GOLIM4: variants seen among roughly 807,000 people sequenced by gnomAD.
GOLIM4 encodes the protein golgi integral membrane protein 4.
Under a neutral mutation model 107.4 loss-of-function variants are expected in GOLIM4, and 71 were observed. The ratio of observed to expected loss-of-function variants is 0.66; its 90% confidence interval spans 0.55 to 0.81. GOLIM4 has a LOEUF of 0.81. Among genes scored for constraint, GOLIM4 ranks in the 30% least tolerant of loss-of-function variants. The pLI is 0.00. For synonymous variants in GOLIM4, 327 were observed against 294.8 expected, an observed-to-expected ratio of 1.11 and a Z score of -1.12; for missense variants, 830 against 826.1, an observed-to-expected ratio of 1.00 and a Z score of -0.06.
At chr3:168,075,739 G>T (rs1468009102) in intron 1 of GOLIM4, among the ~76,000 whole-genome samples, 4 of 152,114 alleles carry the variant, frequency 2.6e-5, no homozygotes, top group South Asian at 2.1e-4. Flanking sequence ...TGCATAAAAA[G>T]CATGTCAAGA....
intron 14 of GOLIM4, among the ~76,000 whole-genome samples, chr3:168,013,827 T>C (rs978938679): frequency 6.6e-6 from 1 of 151,188 alleles, no homozygotes. Context: ...AATAAAGATG[T>C]TCTTTCAAAC....
At chr3:168,041,521 G>T in intron 5 of GOLIM4, 47 bp from the exon 6 acceptor site, 2 of 900,760 alleles carry the variant, frequency 2.2e-6, no homozygotes, top group Non-Finnish European at 1.8e-6. Context: ...GAAACTTTCA[G>T]GATTCTGTTT....
At chr3:168,033,889 T>C (rs1044440736) in intron 8 of GOLIM4, among the ~76,000 whole-genome samples, 6 of 152,114 alleles carry the variant, frequency 3.9e-5, no homozygotes, top group African/African-American at 1.4e-4. Flanking sequence ...GCGATCTCTA[T>C]ATGATCTGCA....
At chr3:168,067,513 T>TAA (rs201207512) in intron 1 of GOLIM4, among the ~76,000 whole-genome samples, 68 of 135,762 alleles carry the variant, frequency 5.0e-4, no homozygotes, top group African/African-American at 1.7e-3. Context: ...TGCCTTTAAT[T>TAA]AAAAAAAAAA....
intron 7 of GOLIM4, among the ~76,000 whole-genome samples, chr3:168,040,045 T>TGGAGGA (rs1718895867): frequency 6.6e-6 from 1 of 152,220 alleles, no homozygotes; most frequent in Non-Finnish European, 1.5e-5. Flanking sequence ...ACCTTTGTTC[T>TGGAGGA]TTTATCATAA....
At chr3:168,061,129 C>A (rs1239497886) in intron 1 of GOLIM4, among the ~76,000 whole-genome samples, 11 of 138,324 alleles carry the variant, frequency 8.0e-5, no homozygotes, top group East Asian at 2.0e-4. Flanking sequence ...GCCAAATATA[C>A]AAGATTTTAG....
Position 168,010,314 on chromosome 3 carries a change from G to GTCTTCTTCCTCC in GOLIM4, c.2034_2045dup (p.Glu678_Glu681dup), listed in dbSNP as rs747113201. 56 of 1,613,586 alleles carry GTCTTCTTCCTCC rather than the reference G, an allele frequency of 3.5e-5. No individual in the cohort carries two copies. The highest frequency in any genetic ancestry group is 4.3e-5 in the Non-Finnish European group (51 of 1,179,826). On this transcript the variant is annotated inframe_insertion, in exon 16 of 16. Coordinates refer to ENST00000470487, the MANE Select transcript of GOLIM4 (RefSeq NM_014498.5). ...GTGATTTCTCAGCAACTGCAGCCCC[G>GTCTTCTTCCTCC]TCTTCTTCCTCCTCTTCTTCCTCCT...
rs1302823548 is a variant in GOLIM4 at position 168,095,834 on chromosome 3, A to T, written c.-549T>A. 2 of 152,550 alleles carry T rather than the reference A, an allele frequency of 1.3e-5. No individual in the cohort carries two copies. Among genetic ancestry groups the T allele is most frequent in the African/African-American group, 2.4e-5 (1 of 41,322 alleles). 9.4% of individuals were successfully genotyped at this position (152,550 alleles called of 1,614,324 possible). ...CCAGCTGTCTCGGCTGGTTTTGGGGACGGCACAGCGGTGTCACTGACGGGT... is the reference window on the plus strand; with the variant it reads ...CCAGCTGTCTCGGCTGGTTTTGGGGTCGGCACAGCGGTGTCACTGACGGGT... On this transcript the variant is annotated 5_prime_UTR_variant, in exon 1 of 16. Coordinates refer to ENST00000470487, the MANE Select transcript of GOLIM4 (RefSeq NM_014498.5).
chr3:168,055,871 T>C (rs1358250947), intron 1 of GOLIM4, among the ~76,000 whole-genome samples: 1 of 150,592 alleles, frequency 6.6e-6, no homozygotes, highest in African/African-American at 2.4e-5. Flanking sequence ...AAGCAGAGCA[T>C]AAAAGTTCAG....
intron 1 of GOLIM4, among the ~76,000 whole-genome samples, chr3:168,081,978 T>C (rs1721391723): frequency 1.3e-5 from 2 of 152,084 alleles, no homozygotes; most frequent in Non-Finnish European, 1.5e-5. Context: ...TTACAAACTC[T>C]GCCACTTACA....
chr3:168,093,745 C>G (rs995893051), intron 1 of GOLIM4, among the ~76,000 whole-genome samples: 40 of 152,106 alleles, frequency 2.6e-4, no homozygotes, highest in Non-Finnish European at 4.9e-4. Flanking sequence ...TGAACCAAGC[C>G]GAGCCATATA....
chr3:168,021,571 C>A (rs1344006205), intron 14 of GOLIM4, among the ~76,000 whole-genome samples: 1 of 151,986 alleles, frequency 6.6e-6, no homozygotes, highest in East Asian at 1.9e-4. Flanking sequence ...GAGGCTGAGG[C>A]AGGAGAATTG....
intron 1 of GOLIM4, among the ~76,000 whole-genome samples, chr3:168,065,247 C>T (rs1288717552): frequency 6.6e-6 from 1 of 152,154 alleles, no homozygotes; most frequent in Non-Finnish European, 1.5e-5. Context: ...AGAGTAGTGG[C>T]ATCAGCTATA....
chr3:168,010,389 C>G lies in GOLIM4; in HGVS notation c.1971G>C (p.Glu657Asp). The G allele has an allele frequency of 2.5e-6, 4 of 1,609,456 alleles. No individual in the cohort carries two copies. The highest frequency in any genetic ancestry group is 3.4e-6 in the Non-Finnish European group (4 of 1,176,350). Reference protein sequence around the residue: ...NTDDKNNDGEEQEVRDDNRPK... With the variant: ...NTDDKNNDGEDQEVRDDNRPK... ...GGCGGTTGTCATCTCGAACTTCTTG[C>G]TCTTCTCCATCATTATTTTTATCAT... Residue 657 changes from glutamate to aspartate, a missense_variant, in exon 16 of 16, where the codon GAG (glutamate) becomes GAC (aspartate). Glu to Asp is a conservative substitution (Grantham distance 45). Coordinates refer to ENST00000470487, the MANE Select transcript of GOLIM4 (RefSeq NM_014498.5).
intron 14 of GOLIM4, among the ~76,000 whole-genome samples, chr3:168,019,176 G>A (rs1717544145): frequency 6.6e-6 from 1 of 152,118 alleles, no homozygotes; most frequent in African/African-American, 2.4e-5. Flanking sequence ...AAATCATAAG[G>A]TCAATTGTTT....
intron 1 of GOLIM4, among the ~76,000 whole-genome samples, chr3:168,052,977 A>G (rs1447251002): frequency 2.0e-5 from 3 of 152,250 alleles, no homozygotes; most frequent in Admixed American, 2.0e-4. Context: ...TTTGAATCCA[A>G]GAACTCAGGA....
intron 2 of GOLIM4, 134 bp downstream of exon 2, chr3:168,048,156 CT>C (rs1719416672): frequency 1.5e-6 from 1 of 658,776 alleles, no homozygotes; most frequent in African/African-American, 1.8e-5. Context: ...CTTGACATGT[CT>C]TTCTCTGTCC....
At position 168,095,515 on chromosome 3, in the gene GOLIM4, C is replaced by G. The variant is rs1342902502; in HGVS notation, c.-230G>C. The G allele has an allele frequency of 6.0e-6, 3 of 496,938 alleles. No individual in the cohort carries two copies. The highest frequency in any genetic ancestry group is 1.1e-5 in the Non-Finnish European group (3 of 283,296). 30.8% of individuals were successfully genotyped at this position (496,938 alleles called of 1,614,324 possible). On this transcript the variant is annotated 5_prime_UTR_variant, in exon 1 of 16. Transcript: ENST00000470487. ...CAGCTGCAGCCAAACTTCTGCGAGG[C>G]TCGTTCTCCGCGAATGCCCGGGGCC...
rs1716857733 is a variant in GOLIM4, at chr3:168,009,414, A to AATC, written c.*852_*854dup. On this transcript the variant is annotated 3_prime_UTR_variant, in exon 16 of 16. Coordinates refer to ENST00000470487, the MANE Select transcript of GOLIM4 (RefSeq NM_014498.5). ...AACCAGACACTGAAACAAGAATATC[A>AATC]ATCAATGGCTTCAAACAAAAAAAAA... is the stretch of plus-strand genomic sequence containing the variant. 1 of 128,678 alleles carries AATC rather than the reference A, an allele frequency of 7.8e-6. No homozygotes were observed. The highest frequency in any genetic ancestry group is 2.9e-5 in the African/African-American group (1 of 34,934). 8.0% of individuals were successfully genotyped at this position (128,678 alleles called of 1,614,324 possible).
Sources: allele counts gnomAD v4.1 joint callset (sites outside exome capture counted in the v4.1 genomes callset), GRCh38; gene constraint gnomAD v4.1.1; transcripts MANE v1.5; gene names NCBI Gene and HGNC (gene_info 2026-07-23, HGNC 2026-07-21).